WDR90: variants seen among roughly 807,000 people sequenced by gnomAD.
WDR90 encodes WD repeat domain 90.
In WDR90, 238 loss-of-function variants were observed where a neutral mutation model predicts 195.2. The ratio of observed to expected loss-of-function variants is 1.22; its 90% CI spans 1.10 to 1.36. The LOEUF (loss-of-function observed/expected upper bound fraction) is 1.36. Among genes scored for constraint, WDR90 ranks in the 40% most tolerant of loss-of-function variants. The pLI, the probability that WDR90 is intolerant of heterozygous loss-of-function variation, is 0.00. For synonymous variants in WDR90, 1,265 were observed against 1,052.4 expected, an observed-to-expected ratio of 1.20 and a Z score of -3.91; for missense variants, 2,734 against 2,439.5, an observed-to-expected ratio of 1.12 and a Z score of -2.54.
Position 650,252 on chromosome 16 carries a change from A to C in WDR90, c.280-2A>C, listed in dbSNP as rs1448954319. 1 of 1,612,752 alleles carries C rather than the reference A, an allele frequency of 6.2e-7. No individual in the cohort carries two copies. Among genetic ancestry groups the C allele is most frequent in the South Asian group, 1.1e-5 (1 of 91,082 alleles). ...CCTCACGGCCCTGCTCCGTCCCCAC[A>C]GGACAACCAAGTCATCCGTGTGTCT... On this transcript the variant is annotated splice_acceptor_variant, in intron 3 of 40. Coordinates refer to ENST00000293879, the MANE Select transcript of WDR90 (RefSeq NM_145294.5). LOFTEE classifies it high-confidence loss of function.
intron 13 of WDR90, chr16:654,354 G>C (rs1229537235): frequency 1.3e-5 from 2 of 153,854 alleles, no homozygotes; most frequent in Non-Finnish European, 2.9e-5. Context: ...TGGGCCACAG[G>C]CGTGTGCCAC....
chr16:660,780 A>G, intron 28 of WDR90, 66 bp downstream of exon 28: 3 of 1,483,846 alleles, frequency 2.0e-6, no homozygotes, highest in Non-Finnish European at 1.8e-6. Context: ...AGCCGTCTCC[A>G]CCCCAAGGCC....
chr16:660,706 CG>C lies in WDR90; in HGVS notation c.3385del (p.Asp1129ThrfsTer175). The C allele has an allele frequency of 1.3e-6, 2 of 1,566,262 alleles. No individual in the cohort carries two copies. Among genetic ancestry groups the C allele is most frequent in the South Asian group, 2.3e-5 (2 of 85,540 alleles). The stretch of plus-strand genomic sequence containing the variant: ...GGGCGGGCCAACATGGTCTGGAGGC[CG>C]GACACAGGTGGGGGCCAAGAGCCTA... The part of the protein sequence containing the change: ...GNGRANMVWR[P>X]DTGFFAYTCG... On this transcript the variant is annotated frameshift_variant, in exon 28 of 41. Transcript: ENST00000293879. LOFTEE classifies it high-confidence loss of function.
intron 20 of WDR90, 106 bp downstream of exon 20, chr16:657,327 C>G: frequency 7.0e-7 from 1 of 1,430,900 alleles, no homozygotes; most frequent in South Asian, 1.5e-5. Context: ...GGTGCACCGA[C>G]TGGGTCCTGT....
At chr16:652,153 C>T in intron 9 of WDR90, 114 bp downstream of exon 9, 3 of 1,273,592 alleles carry the variant, frequency 2.4e-6, no homozygotes, top group Non-Finnish European at 3.2e-6. Flanking sequence ...TCCTCTTGTT[C>T]AGCCTCCTGG....
intron 13 of WDR90, chr16:654,810 G>A: frequency 3.4e-6 from 2 of 583,358 alleles, no homozygotes; most frequent in Non-Finnish European, 6.1e-6. Flanking sequence ...CTGCGAATGG[G>A]TTGCAGTGCT....
chr16:650,417 T>C, intron 4 of WDR90, 55 bp downstream of exon 4: 1 of 1,595,870 alleles, frequency 6.3e-7, no homozygotes, highest in Non-Finnish European at 8.6e-7. Context: ...AGGGAGTTGG[T>C]GCAGGCCCAG....
At position 667,669 on chromosome 16, in the gene WDR90, G is replaced by C; in HGVS notation, c.*80G>C. ...GACACAGGCTTGGCAGAGGCGCCAGGTTGTCAATGGCCTCATGCTGGGACA... is the reference window on the plus strand; with the variant it reads ...GACACAGGCTTGGCAGAGGCGCCAGCTTGTCAATGGCCTCATGCTGGGACA... On this transcript the variant is annotated 3_prime_UTR_variant, in exon 41 of 41. Coordinates refer to ENST00000293879, the MANE Select transcript of WDR90 (RefSeq NM_145294.5). 6.3e-7 allele frequency: 1 copy of C among 1,576,858 alleles called. No homozygotes were observed.
Position 666,519 on chromosome 16 carries a change from G to C in WDR90, c.4805G>C (p.Ser1602Thr). ...WLAASGDQRV[S>T]VWASDWLRNH... ...GCTGCCAGTGGGGACCAGCGGGTCA[G>C]CGTCTGGGCCTCCGACTGGCTGCGG... The change falls in exon 38 of 41, where the codon AGC becomes ACC. Residue 1602 changes from serine (S) to threonine (T), a missense_variant. Transcript: ENST00000293879. 3 of 1,612,778 alleles carry C rather than the reference G, an allele frequency of 1.9e-6. No homozygotes were observed. The highest frequency in any genetic ancestry group is 2.5e-6 in the Non-Finnish European group (3 of 1,179,970).
chr16:664,527 G>A (rs1033198448), intron 34 of WDR90, among the ~76,000 whole-genome samples: 3 of 152,154 alleles, frequency 2.0e-5, no homozygotes, highest in Non-Finnish European at 2.9e-5. Flanking sequence ...GTGGAAGTGC[G>A]AGGAATTCTG....
chr16:667,597 C>G lies in WDR90; in HGVS notation c.*8C>G, dbSNP rs995883428. 8 of 1,605,424 alleles carry G rather than the reference C, an allele frequency of 5.0e-6. No homozygotes were observed. In the East Asian group the frequency reaches 1.8e-4, roughly 36 times the overall value. ...GAGGTCCCCGGCCTCTGAGATGCAG[C>G]AGGGACTGTGGTGGTGGGCATCACG... On this transcript the variant is annotated 3_prime_UTR_variant, in exon 41 of 41. Coordinates refer to ENST00000293879, the MANE Select transcript of WDR90 (RefSeq NM_145294.5).
At position 662,062 on chromosome 16, in the gene WDR90, G is replaced by T. The variant is rs1408799806; in HGVS notation, c.4033+3G>T. On this transcript the variant is annotated splice_donor_region_variant and intron_variant, in intron 32 of 40. Transcript: ENST00000293879. ...GGAGGCGGATGACGGTGGCATTGGT[G>T]AGTGCCCCGCAGAAGCCCTGTGGCC... The T allele has an allele frequency of 6.2e-7, 1 of 1,600,096 alleles. No individual in the cohort carries two copies. The highest frequency in any genetic ancestry group is 1.1e-5 in the South Asian group (1 of 90,914).
chr16:665,595 C>G, intron 34 of WDR90, 84 bp from the exon 35 acceptor site: 1 of 1,604,756 alleles, frequency 6.2e-7, no homozygotes, highest in South Asian at 1.1e-5. Flanking sequence ...ACAGCCCGGC[C>G]CTGGGGGCTG....
In WDR90 at chr16:651,993, C is replaced by T. The variant is rs1310655416; in HGVS notation, c.1007C>T (p.Thr336Ile). ...HTAAAGTHVLTHESAEVPVAR... is the reference protein window; with the variant it reads ...HTAAAGTHVLIHESAEVPVAR... ...GCTGCTGCCGGCACCCACGTGTTGA[C>T]TCACGAGTCGGCTGAGGTGCCCGTG... The change falls in exon 9 of 41, where the codon ACT becomes ATT. Residue 336 changes from threonine (T) to isoleucine (I), a missense_variant. Thr to Ile is a moderately conservative substitution (Grantham distance 89). Coordinates refer to ENST00000293879, the MANE Select transcript of WDR90 (RefSeq NM_145294.5). 1 of 1,606,142 alleles carries T rather than the reference C, an allele frequency of 6.2e-7. No homozygotes were observed. Among genetic ancestry groups the T allele is most frequent in the Non-Finnish European group, 8.5e-7 (1 of 1,177,540 alleles).
chr16:657,069 G>A (rs1027735250), intron 19 of WDR90, 22 bp from the exon 20 acceptor site: 10 of 1,595,132 alleles, frequency 6.3e-6, no homozygotes, highest in Middle Eastern at 1.8e-4. Context: ...TAGGGCCAGC[G>A]GGGTCCCTGT....
intron 11 of WDR90, 25 bp downstream of exon 11, chr16:653,476 A>G: frequency 5.0e-6 from 8 of 1,612,222 alleles, no homozygotes; most frequent in Non-Finnish European, 6.8e-6. Context: ...GGCCTGGGGC[A>G]GCTCACACCT....
rs547766719 is a variant in WDR90 at position 655,398 on chromosome 16, G to A, written c.1648G>A (p.Ala550Thr). The A allele has an allele frequency of 9.2e-5, 146 of 1,595,528 alleles. No homozygotes were observed. The highest frequency in any genetic ancestry group is 6.6e-4 in the Middle Eastern group (4 of 6,042). The change falls in exon 15 of 41, where the codon GCG (alanine) becomes ACG (threonine). Residue 550 changes from alanine to threonine, a missense_variant. Coordinates refer to ENST00000293879, the MANE Select transcript of WDR90 (RefSeq NM_145294.5). ...CCCCGTGGACTTAGGGGAGCACCACGCGCTGCAGTTCACCGACCTGGCCTT... is the reference window on the plus strand; with the variant it reads ...CCCCGTGGACTTAGGGGAGCACCACACGCTGCAGTTCACCGACCTGGCCTT... ...SCPVDLGEHHALQFTDLAFKQ... is the reference protein window; with the variant it reads ...SCPVDLGEHHTLQFTDLAFKQ...
rs745610412 is a variant in WDR90 at position 655,303 on chromosome 16, G to A, written c.1557-4G>A. ...CGGCAGTGCTCAGTCCTCATTCCTT[G>A]CAGGATGGCGTCGTGCGGGCAGGGC... On this transcript the variant is annotated splice_polypyrimidine_tract_variant and splice_region_variant and intron_variant, in intron 14 of 40. Coordinates refer to ENST00000293879, the MANE Select transcript of WDR90 (RefSeq NM_145294.5). 5.6e-6 allele frequency: 9 copies of A among 1,607,104 alleles called. No homozygotes were observed. The South Asian group carries it at 9.9e-5, about 18-fold the overall frequency.
Position 660,603 on chromosome 16 carries a change from T to G in WDR90, c.3289-9T>G. The G allele has an allele frequency of 6.4e-7, 1 of 1,558,930 alleles. No homozygotes were observed. The highest frequency in any genetic ancestry group is 8.7e-7 in the Non-Finnish European group (1 of 1,152,040). The stretch of plus-strand genomic sequence containing the variant: ...GGCCCCAGCAGCATCCGGGTCTCCT[T>G]CCTCGCAGGGCACTTGCCCGCCTCC... On this transcript the variant is annotated splice_polypyrimidine_tract_variant and intron_variant, in intron 27 of 40. Coordinates refer to ENST00000293879, the MANE Select transcript of WDR90 (RefSeq NM_145294.5).
Sources: gnomAD v4.1 joint callset for allele counts (sites outside exome capture counted in the v4.1 genomes callset) on GRCh38, gnomAD v4.1.1 for gene constraint, MANE v1.5 for transcripts, NCBI Gene and HGNC (gene_info 2026-07-23, HGNC 2026-07-21) for gene names.